Variants in IMMP2L observed in about 807,000 individuals in gnomAD.
The protein encoded by IMMP2L is mitochondrial inner membrane protease subunit 2.
A neutral mutation model predicts 19.3 loss-of-function variants in IMMP2L; 18 were observed. The observed-to-expected ratio is 0.93, with a 90% CI of 0.64 to 1.38. The LOEUF is 1.38. Ranked by LOEUF, IMMP2L falls within the 40% of genes most tolerant of loss-of-function variation. IMMP2L has a pLI of 0.00. For synonymous variants in IMMP2L, 76 were observed against 73.0 expected, an observed-to-expected ratio of 1.04 and a Z score of -0.21; for missense variants, 233 against 218.2, an observed-to-expected ratio of 1.07 and a Z score of -0.43.
intron 2 of IMMP2L, among the ~76,000 whole-genome samples, chr7:111,489,974 T>C (rs541693391): frequency 6.6e-6 from 1 of 152,150 alleles, no homozygotes; most frequent in African/African-American, 2.4e-5. Context: ...ATTTTTGTAT[T>C]TTTAGTAGAG....
intron 3 of IMMP2L, among the ~76,000 whole-genome samples, chr7:111,212,172 A>ATC (rs142542772): frequency 1.1e-4 from 16 of 150,110 alleles, no homozygotes; most frequent in South Asian, 2.1e-4. Flanking sequence ...CTCTATCTCT[A>ATC]TCTCTCTCTC....
chr7:110,885,363 G>A (rs779841311), intron 5 of IMMP2L, among the ~76,000 whole-genome samples: 18 of 151,630 alleles, frequency 1.2e-4, no homozygotes, highest in East Asian at 3.9e-4. Context: ...TTATATATAC[G>A]TTAAAAAGTA....
intron 1 of IMMP2L, among the ~76,000 whole-genome samples, chr7:111,532,240 T>G (rs1384149515): frequency 6.6e-6 from 1 of 152,188 alleles, no homozygotes; most frequent in African/African-American, 2.4e-5. Context: ...GTTCCTTATC[T>G]ACTTTGCTAC....
intron 3 of IMMP2L, among the ~76,000 whole-genome samples, chr7:111,189,849 C>A (rs1455435430): frequency 6.6e-6 from 1 of 152,090 alleles, no homozygotes. Flanking sequence ...AGGAAAGATT[C>A]CTTTCCTAGA....
chr7:110,857,804 T>C (rs984093738), intron 5 of IMMP2L, among the ~76,000 whole-genome samples: 6 of 152,076 alleles, frequency 3.9e-5, no homozygotes, highest in African/African-American at 9.7e-5. Context: ...TGGGTTTCAA[T>C]GTTTAAAGTC....
chr7:111,141,272 AC>A (rs1309965307), intron 3 of IMMP2L, among the ~76,000 whole-genome samples: 2 of 144,674 alleles, frequency 1.4e-5, no homozygotes, highest in African/African-American at 5.8e-5. Flanking sequence ...TTGAAATAAT[AC>A]TACAAAGAAT....
intron 3 of IMMP2L, among the ~76,000 whole-genome samples, chr7:111,195,952 G>A (rs1235510722): frequency 6.6e-6 from 1 of 151,630 alleles, no homozygotes; most frequent in African/African-American, 2.4e-5. Context: ...CTGCACCCTC[G>A]AACTCCTGGG....
At chr7:111,502,087 G>C (rs1391305482) in intron 2 of IMMP2L, among the ~76,000 whole-genome samples, 2 of 152,096 alleles carry the variant, frequency 1.3e-5, no homozygotes. Flanking sequence ...CTCACGTGCA[G>C]AGACACACAT....
intron 3 of IMMP2L, among the ~76,000 whole-genome samples, chr7:111,003,552 C>G (rs1823952503): frequency 6.6e-6 from 1 of 151,858 alleles, no homozygotes; most frequent in African/African-American, 2.4e-5. Context: ...CACTCTGTTG[C>G]CCAGGCTGGA....
chr7:111,281,341 T>G (rs553613218), intron 3 of IMMP2L, among the ~76,000 whole-genome samples: 2 of 150,370 alleles, frequency 1.3e-5, no homozygotes, highest in South Asian at 4.3e-4. Flanking sequence ...GGACTGAAAT[T>G]TAGAAACTTG....
At chr7:111,163,864 A>C (rs1023468897) in intron 3 of IMMP2L, among the ~76,000 whole-genome samples, 2 of 151,910 alleles carry the variant, frequency 1.3e-5, no homozygotes, top group Non-Finnish European at 2.9e-5. Flanking sequence ...ATCTCAGGGG[A>C]GACTAGGCTG....
chr7:110,869,352 G>A (rs1306161112), intron 5 of IMMP2L, among the ~76,000 whole-genome samples: 1 of 152,098 alleles, frequency 6.6e-6, no homozygotes, highest in Non-Finnish European at 1.5e-5. Flanking sequence ...TGCAATAGTT[G>A]TAAATAAAGT....
chr7:110,713,506 C>T (rs573417859), intron 5 of IMMP2L, among the ~76,000 whole-genome samples: 98 of 152,140 alleles, frequency 6.4e-4, no homozygotes, highest in African/African-American at 8.4e-4. Context: ...TTGGGCAGTA[C>T]GGTATTTTCA....
At chr7:110,742,588 G>A (rs1339200714) in intron 5 of IMMP2L, among the ~76,000 whole-genome samples, 1 of 151,932 alleles carries the variant, frequency 6.6e-6, no homozygotes, top group Non-Finnish European at 1.5e-5. Context: ...CTAACACGCT[G>A]AAACCCCATC....
intron 3 of IMMP2L, among the ~76,000 whole-genome samples, chr7:111,152,440 A>G (rs534539703): frequency 6.6e-6 from 1 of 152,162 alleles, no homozygotes; most frequent in African/African-American, 2.4e-5. Flanking sequence ...TACTGCACAC[A>G]TCACATTTTA....
At chr7:110,772,277 T>C (rs1020690717) in intron 5 of IMMP2L, among the ~76,000 whole-genome samples, 1 of 152,170 alleles carries the variant, frequency 6.6e-6, no homozygotes, top group East Asian at 1.9e-4. Flanking sequence ...CTATATGGCA[T>C]GAGGTCCCAC....
At chr7:111,188,117 C>G (rs746931645) in intron 3 of IMMP2L, among the ~76,000 whole-genome samples, 1 of 152,076 alleles carries the variant, frequency 6.6e-6, no homozygotes, top group Non-Finnish European at 1.5e-5. Context: ...TGCCAGTCTA[C>G]CGCTCCTGCT....
At chr7:110,665,472 T>C (rs1279664532) in intron 5 of IMMP2L, among the ~76,000 whole-genome samples, 1 of 152,240 alleles carries the variant, frequency 6.6e-6, no homozygotes, top group Non-Finnish European at 1.5e-5. Context: ...ATAGTTCATA[T>C]TCAAAATTTT....
intron 3 of IMMP2L, among the ~76,000 whole-genome samples, chr7:111,210,070 T>C (rs1344095399): frequency 6.6e-6 from 1 of 152,144 alleles, no homozygotes; most frequent in African/African-American, 2.4e-5. Context: ...TGCTTCAGAG[T>C]AGCTCCTTGT....
Sources: allele counts gnomAD v4.1 joint callset (sites outside exome capture counted in the v4.1 genomes callset), GRCh38; gene constraint gnomAD v4.1.1; transcripts MANE v1.5; gene names NCBI Gene and HGNC (gene_info 2026-07-23, HGNC 2026-07-21).